The following MMS19 variants were observed in gnomAD, a reference collection of about 807,000 sequenced individuals.
The protein encoded by MMS19 is MMS19 cytosolic iron-sulfur assembly component.
Under a neutral mutation model 129.8 loss-of-function variants are expected in MMS19, and 77 were observed. The observed-to-expected ratio is 0.59, with a 90% confidence interval of 0.49 to 0.72. The LOEUF (loss-of-function observed/expected upper bound fraction) is 0.72, where lower values mean the gene tolerates loss of function less well. Among genes scored for constraint, MMS19 ranks in the 30% least tolerant of loss-of-function variants. The probability of loss-of-function intolerance (pLI) is 0.00; values close to 1 mark genes in which losing one functional copy is unlikely to be tolerated. For synonymous variants in MMS19, 491 were observed against 502.8 expected (o/e 0.98, Z 0.31); for missense variants, 1,168 against 1,266.3 (o/e 0.92, Z 1.18).
chr10:97,460,861 A>G, intron 24 of MMS19, 46 bp downstream of exon 24: 4 of 1,535,854 alleles, frequency 2.6e-6, no homozygotes, highest in Non-Finnish European at 3.5e-6. Context: ...ATTTAACCAG[A>G]CATAATTGCC....
rs1260999852 is a variant in MMS19, at chr10:97,471,320, AGTTTAT to A, written c.685-465_685-460del. On this transcript the variant is annotated intron_variant, in intron 8 of 30. Transcript: ENST00000438925. ...TATGATTTCATTTTGTGGTTGTACC[AGTTTAT>A]CTAGATAATTCCTTGTTGATGGACA... is the stretch of plus-strand genomic sequence containing the variant. Among the ~76,000 whole-genome samples the A allele has an allele frequency of 7.9e-5, 12 of 152,174 alleles. No individual in the cohort carries two copies. In the Middle Eastern group the frequency reaches 0.024, roughly 302 times the overall value.
chr10:97,463,164 T>G (rs2032510082), intron 19 of MMS19, among the ~76,000 whole-genome samples: 1 of 73,948 alleles, frequency 1.4e-5, no homozygotes, highest in Admixed American at 1.3e-4. Context: ...TGTGAAACAG[T>G]TTTTTTTTTT....
intron 1 of MMS19, among the ~76,000 whole-genome samples, chr10:97,490,981 A>C (rs1225739758): frequency 2.0e-5 from 3 of 152,200 alleles, no homozygotes; most frequent in African/African-American, 7.2e-5. Flanking sequence ...TTCTATACCC[A>C]ATTCCTTAAT....
At chr10:97,465,780 G>GT in intron 18 of MMS19, 25 bp downstream of exon 18, 1 of 1,603,564 alleles carries the variant, frequency 6.2e-7, no homozygotes, top group African/African-American at 1.3e-5. Context: ...AGCCCAGTCC[G>GT]TTGGTGGTTA....
At chr10:97,498,793 C>T, upstream of MMS19, 1 of 272,884 alleles carries the variant, frequency 3.7e-6, no homozygotes, top group Non-Finnish European at 6.9e-6. Flanking sequence ...GGCGCGGGCA[C>T]CGCGAGCCGG....
At chr10:97,464,054 G>T in intron 18 of MMS19, 41 bp from the exon 19 acceptor site, 1 of 1,575,738 alleles carries the variant, frequency 6.3e-7, no homozygotes, top group Non-Finnish European at 8.6e-7. Flanking sequence ...TTGCTTAAAA[G>T]CACTTTCAGG....
At chr10:97,477,806 T>C in intron 5 of MMS19, 49 bp downstream of exon 5, 1 of 1,354,566 alleles carries the variant, frequency 7.4e-7, no homozygotes, top group Non-Finnish European at 1.0e-6. Context: ...CCCAGTTATG[T>C]CAAGGGGTAG....
chr10:97,467,708 G>A lies in MMS19; in HGVS notation c.1219-125C>T, dbSNP rs1589619675. 3.6e-6 allele frequency: 3 copies of A among 832,236 alleles called. No individual in the cohort carries two copies. In the East Asian group the frequency reaches 8.0e-5, roughly 22 times the overall value. 51.6% of individuals were successfully genotyped at this position (832,236 alleles called of 1,614,324 possible). ...TGGGGGTTTTGCTATGCCACAGCCAGGCTGGAATACAGTAGCATGATTATA... is the reference window on the plus strand; with the variant it reads ...TGGGGGTTTTGCTATGCCACAGCCAAGCTGGAATACAGTAGCATGATTATA... On this transcript the variant is annotated intron_variant, in intron 13 of 30. Coordinates refer to ENST00000438925, the MANE Select transcript of MMS19 (RefSeq NM_022362.5).
intron 2 of MMS19, among the ~76,000 whole-genome samples, chr10:97,482,108 C>G (rs1017596695): frequency 6.6e-6 from 1 of 152,078 alleles, no homozygotes; most frequent in Non-Finnish European, 1.5e-5. Context: ...CCCAGGAGAT[C>G]GAGGCTGCAG....
At chr10:97,484,061 AG>A in intron 2 of MMS19, 41 bp downstream of exon 2, 1 of 1,343,626 alleles carries the variant, frequency 7.4e-7, no homozygotes, top group Non-Finnish European at 1.0e-6. Context: ...CAGAATACAC[AG>A]TCAGGGTTGG....
intron 11 of MMS19, 149 bp downstream of exon 11, chr10:97,469,497 G>C (rs2034240521): frequency 1.5e-6 from 1 of 663,660 alleles, no homozygotes; most frequent in Admixed American, 2.6e-5. Flanking sequence ...CATTCAACTA[G>C]AATTATGTCC....
Position 97,459,075 on chromosome 10 carries a change from C to G in MMS19, c.2964+148G>C, listed in dbSNP as rs1427769929. 6 of 973,230 alleles carry G rather than the reference C, an allele frequency of 6.2e-6. No individual in the cohort carries two copies. The East Asian group carries it at 1.6e-4, about 26-fold the overall frequency. The allele number at this position is 973,230 out of a possible 1,614,324, so 60.3% of individuals were successfully genotyped here. ...CCTTCTGGGCCCAAGGAAAAGAATC[C>G]TTGGGCCCAGAATTACAAGATCTGT... On this transcript the variant is annotated intron_variant, in intron 29 of 30. Coordinates refer to ENST00000438925, the MANE Select transcript of MMS19 (RefSeq NM_022362.5).
At chr10:97,474,709 A>G (rs2035419396) in intron 8 of MMS19, among the ~76,000 whole-genome samples, 1 of 152,214 alleles carries the variant, frequency 6.6e-6, no homozygotes, top group South Asian at 2.1e-4. Context: ...TGCAGTGCAG[A>G]ACAACATACA....
intron 1 of MMS19, among the ~76,000 whole-genome samples, chr10:97,487,318 CTT>C (rs201462938): frequency 5.8e-5 from 8 of 137,674 alleles, no homozygotes; most frequent in Non-Finnish European, 7.8e-5. Flanking sequence ...GAGAAAATTT[CTT>C]TTTTTTTTTT....
intron 1 of MMS19, among the ~76,000 whole-genome samples, chr10:97,491,099 T>A (rs2038792300): frequency 6.6e-6 from 1 of 152,234 alleles, no homozygotes; most frequent in Admixed American, 6.5e-5. Flanking sequence ...ACAGCCTGGC[T>A]ATAGTACAGA....
In MMS19 at chr10:97,484,301, G is replaced by A. The variant is rs941760449; in HGVS notation, c.113-150C>T. On this transcript the variant is annotated intron_variant, in intron 1 of 30. Coordinates refer to ENST00000438925, the MANE Select transcript of MMS19 (RefSeq NM_022362.5). ...CAAGAGCCCTCCTAGATGAGAAGCA[G>A]CATTGCTGTAACACTTCAAATATGC... 9.9e-6 allele frequency: 5 copies of A among 504,312 alleles called. No individual in the cohort carries two copies. In the Admixed American group the frequency reaches 1.4e-4, roughly 14 times the overall value. The allele number at this position is 504,312 out of a possible 1,614,324, so 31.2% of individuals were successfully genotyped here.
intron 8 of MMS19, among the ~76,000 whole-genome samples, chr10:97,475,864 T>C (rs1391329497): frequency 6.6e-6 from 1 of 152,286 alleles, no homozygotes; most frequent in East Asian, 1.9e-4. Context: ...AGGGTTAGAA[T>C]AAGAATTCTG....
intron 16 of MMS19, 108 bp downstream of exon 16, chr10:97,466,396 A>G: frequency 2.1e-6 from 2 of 935,576 alleles, no homozygotes; most frequent in Non-Finnish European, 3.4e-6. Flanking sequence ...ACCTCCCCTA[A>G]GGAGAGCCAA....
At chr10:97,486,614 CAA>C (rs1422088192) in intron 1 of MMS19, among the ~76,000 whole-genome samples, 2 of 151,888 alleles carry the variant, frequency 1.3e-5, no homozygotes, top group Non-Finnish European at 2.9e-5. Flanking sequence ...GTTTAATTCA[CAA>C]AAGCAGAGAG....
Sources: allele counts gnomAD v4.1 joint callset (sites outside exome capture counted in the v4.1 genomes callset), GRCh38; gene constraint gnomAD v4.1.1; transcripts MANE v1.5; gene names NCBI Gene and HGNC (gene_info 2026-07-23, HGNC 2026-07-21).